The following ANKRD12 variants were observed in gnomAD, a reference collection of about 807,000 sequenced individuals.
ANKRD12 encodes ankyrin repeat domain 12.
Under a neutral mutation model 183.4 loss-of-function variants are expected in ANKRD12, and 85 were observed. The observed-to-expected ratio is 0.46, with a 90% CI of 0.39 to 0.56. The LOEUF is 0.56. Among genes scored for constraint, ANKRD12 ranks in the 20% least tolerant of loss-of-function variants. The pLI is 0.00. For synonymous variants in ANKRD12, 914 were observed against 800.2 expected (o/e 1.14, Z -2.40); for missense variants, 2,405 against 2,357.1 (o/e 1.02, Z -0.42).
At chr18:9,185,131 C>G (rs7229883) in intron 2 of ANKRD12, among the ~76,000 whole-genome samples, 119,130 of 152,092 alleles carry the variant, frequency 0.78, 46,861 homozygotes, top group Middle Eastern at 0.88. Context: ...AAACAAACTT[C>G]AGTTGGGATG....
At chr18:9,274,258 T>C (rs2039729390) in intron 10 of ANKRD12, among the ~76,000 whole-genome samples, 1 of 152,240 alleles carries the variant, frequency 6.6e-6, no homozygotes. Flanking sequence ...GTGGCATATT[T>C]TGGGGTAGCG....
intron 1 of ANKRD12, among the ~76,000 whole-genome samples, chr18:9,151,492 T>C (rs986888336): frequency 6.6e-6 from 1 of 152,172 alleles, no homozygotes; most frequent in Non-Finnish European, 1.5e-5. Flanking sequence ...ACAGAAATAC[T>C]GAGAACTGAT....
chr18:9,244,155 G>A (rs940570487), intron 8 of ANKRD12, among the ~76,000 whole-genome samples: 1 of 152,120 alleles, frequency 6.6e-6, no homozygotes, highest in African/African-American at 2.4e-5. Context: ...ATGAATGAAA[G>A]TGTCTCTTAA....
chr18:9,225,510 G>A (rs1198489862), intron 8 of ANKRD12, among the ~76,000 whole-genome samples: 1 of 149,894 alleles, frequency 6.7e-6, no homozygotes, highest in Non-Finnish European at 1.5e-5. Context: ...ATATACATTT[G>A]AGATAACATA....
chr18:9,275,161 C>T (rs756739434), intron 10 of ANKRD12, among the ~76,000 whole-genome samples: 1 of 151,954 alleles, frequency 6.6e-6, no homozygotes, highest in African/African-American at 2.4e-5. Context: ...TACACACCAG[C>T]CTGGGTGACA....
chr18:9,162,437 A>C (rs187054925), intron 1 of ANKRD12, among the ~76,000 whole-genome samples: 1 of 152,026 alleles, frequency 6.6e-6, no homozygotes, highest in African/African-American at 2.4e-5. Context: ...CATTTTCTTT[A>C]TCCAGTCTAT....
Position 9,165,869 on chromosome 18 carries a change from CCT to C in ANKRD12, c.-51-16511_-51-16510del, listed in dbSNP as rs1275392308. ...TATCTCCTAATGCTATCCCTCCCCC[CCT>C]CCCCCCACCCCACAACAGTCCCTGG... On this transcript the variant is annotated intron_variant, in intron 1 of 12. Coordinates refer to ENST00000262126, the MANE Select transcript of ANKRD12 (RefSeq NM_015208.5). 7.2e-4 allele frequency among the ~76,000 whole-genome samples: 94 copies of C among 130,400 alleles called. 1 individual carries two copies. The highest frequency in any genetic ancestry group is 3.1e-3 in the East Asian group (13 of 4,180). The allele number at this position is 130,400 out of a possible 152,430, so 85.5% of individuals were successfully genotyped here.
intron 1 of ANKRD12, among the ~76,000 whole-genome samples, chr18:9,138,494 CA>C (rs1459978234): frequency 6.6e-6 from 1 of 152,208 alleles, no homozygotes; most frequent in East Asian, 1.9e-4. Context: ...GCCTGGGCCA[CA>C]AGAGCGAAAC....
chr18:9,154,661 G>T (rs928228721), intron 1 of ANKRD12, among the ~76,000 whole-genome samples: 4 of 152,166 alleles, frequency 2.6e-5, no homozygotes, highest in Non-Finnish European at 5.9e-5. Context: ...TATTTGGGAA[G>T]TGTTTGCAAT....
At chr18:9,183,829 AT>A (rs1217180142) in intron 2 of ANKRD12, among the ~76,000 whole-genome samples, 1 of 152,094 alleles carries the variant, frequency 6.6e-6, no homozygotes, top group African/African-American at 2.4e-5. Context: ...TCTGATGATA[AT>A]TTATATGTGC....
intron 1 of ANKRD12, among the ~76,000 whole-genome samples, chr18:9,141,070 A>T (rs891326639): frequency 1.3e-5 from 2 of 151,700 alleles, no homozygotes; most frequent in African/African-American, 4.8e-5. Flanking sequence ...GAAGGCGGGG[A>T]TTCTTAAATT....
Position 9,281,297 on chromosome 18 carries a change from G to A in ANKRD12, c.*171G>A. On this transcript the variant is annotated 3_prime_UTR_variant, in exon 13 of 13. Transcript: ENST00000262126. ...TTTTATAAAAAATGAGAATTATTTT[G>A]GATCTTAGATCCAAACACAGTTTCT... 1 of 513,126 alleles carries A rather than the reference G, an allele frequency of 1.9e-6. No homozygotes were observed. Among genetic ancestry groups the A allele is most frequent in the South Asian group, 3.6e-5 (1 of 27,952 alleles). The allele number at this position is 513,126 out of a possible 1,614,324, so 31.8% of individuals were successfully genotyped here. A position where few individuals can be genotyped will look rare whatever the true frequency, so the allele number is the denominator to read the frequency against.
intron 2 of ANKRD12, among the ~76,000 whole-genome samples, chr18:9,192,379 A>G (rs1357050838): frequency 6.6e-6 from 1 of 152,306 alleles, no homozygotes; most frequent in African/African-American, 2.4e-5. Context: ...CTGTCCTTGC[A>G]TTCTCTAGAT....
chr18:9,173,628 AG>A (rs775694472), intron 1 of ANKRD12, among the ~76,000 whole-genome samples: 1 of 51,254 alleles, frequency 2.0e-5, no homozygotes, highest in African/African-American at 7.3e-5. Context: ...GGGGGGGGGT[AG>A]GGGGGGCAGT....
chr18:9,188,959 A>C (rs2034283957), intron 2 of ANKRD12, among the ~76,000 whole-genome samples: 1 of 152,188 alleles, frequency 6.6e-6, no homozygotes, highest in Admixed American at 6.5e-5. Context: ...GAAGAGTGGA[A>C]TGTCTCTCAT....
chr18:9,197,188 G>GA (rs1199929938), intron 3 of ANKRD12, among the ~76,000 whole-genome samples: 1 of 152,102 alleles, frequency 6.6e-6, no homozygotes, highest in Admixed American at 6.5e-5. Context: ...AAATTAAGGA[G>GA]AAAATGTTAC....
chr18:9,219,583 C>T (rs981645170), intron 7 of ANKRD12, among the ~76,000 whole-genome samples: 1 of 152,030 alleles, frequency 6.6e-6, no homozygotes, highest in South Asian at 2.1e-4. Context: ...CCCTCCTTCA[C>T]CTCCTCTTGC....
At chr18:9,137,814 G>A (rs1041378257) in intron 1 of ANKRD12, 1 of 152,238 alleles carries the variant, frequency 6.6e-6, no homozygotes, top group Non-Finnish European at 1.5e-5. Context: ...TTTGAGGAGT[G>A]ATGTGGAGTG....
At chr18:9,268,737 C>G (rs1047302341) in intron 10 of ANKRD12, among the ~76,000 whole-genome samples, 5 of 152,192 alleles carry the variant, frequency 3.3e-5, no homozygotes, top group African/African-American at 1.2e-4. Context: ...TCTCTCACCA[C>G]TCCTGTTCAA....
Sources: gnomAD v4.1 joint callset for allele counts (sites outside exome capture counted in the v4.1 genomes callset) on GRCh38, gnomAD v4.1.1 for gene constraint, MANE v1.5 for transcripts, NCBI Gene and HGNC (gene_info 2026-07-23, HGNC 2026-07-21) for gene names.